The following TSC22D2 variants were observed in gnomAD, a reference collection of about 807,000 sequenced individuals.
TSC22D2 encodes the protein TSC22 domain family member 2, also known as TSC22 domain family protein 2.
Under a neutral mutation model 50.1 loss-of-function variants are expected in TSC22D2, and 5 were observed. That is an observed-to-expected ratio of 0.10 (90% CI 0.05 to 0.21). TSC22D2 has a LOEUF of 0.21. Among genes scored for constraint, TSC22D2 ranks in the 10% least tolerant of loss-of-function variants. The probability of loss-of-function intolerance (pLI) is 1.00; values close to 1 mark genes in which losing one functional copy is unlikely to be tolerated. For synonymous variants in TSC22D2, 501 were observed against 450.1 expected, an observed-to-expected ratio of 1.11 and a Z score of -1.43; for missense variants, 1,003 against 1,015.5, an observed-to-expected ratio of 0.99 and a Z score of 0.17.
At chr3:150,441,071 A>G (rs1720702745) in intron 1 of TSC22D2, among the ~76,000 whole-genome samples, 1 of 149,410 alleles carries the variant, frequency 6.7e-6, no homozygotes, top group African/African-American at 2.4e-5. Context: ...TATAATACAT[A>G]TAAACATATA....
At chr3:150,422,945 G>T in intron 1 of TSC22D2, 1 of 761,308 alleles carries the variant, frequency 1.3e-6, no homozygotes. Flanking sequence ...ATTATTAAAA[G>T]TTACACTGTA....
intron 1 of TSC22D2, among the ~76,000 whole-genome samples, chr3:150,451,592 G>GT (rs1229491462): frequency 6.6e-6 from 1 of 152,062 alleles, no homozygotes; most frequent in African/African-American, 2.4e-5. Flanking sequence ...CACAGTCTTA[G>GT]TATTATGGAA....
chr3:150,455,317 T>C (rs1204301000), intron 1 of TSC22D2, among the ~76,000 whole-genome samples: 4 of 152,196 alleles, frequency 2.6e-5, no homozygotes, highest in African/African-American at 9.7e-5. Context: ...TAGTTACATA[T>C]AGTCATACTT....
At chr3:150,445,743 A>G (rs1430588698) in intron 1 of TSC22D2, among the ~76,000 whole-genome samples, 1 of 152,160 alleles carries the variant, frequency 6.6e-6, no homozygotes, top group Non-Finnish European at 1.5e-5. Flanking sequence ...CCCATTTTAT[A>G]GTTGAGGAAA....
Position 150,409,785 on chromosome 3 carries a change from G to C in TSC22D2, c.435G>C (p.Gly145=), listed in dbSNP as rs1438369560. The C allele has an allele frequency of 6.2e-7, 1 of 1,602,726 alleles. No homozygotes were observed. Among genetic ancestry groups the C allele is most frequent in the Non-Finnish European group, 8.5e-7 (1 of 1,179,800 alleles). ...GGPQLAGSSA[G]PVTAAPSQPP... ...CCCAGCTCGCGGGCTCATCCGCCGG[G>C]CCAGTGACTGCAGCCCCATCTCAGC... Residue 145 remains glycine, a synonymous_variant, in exon 1 of 3, where the codon GGG becomes GGC. Coordinates refer to ENST00000688009, the MANE Select transcript of TSC22D2 (RefSeq NM_001303264.2). The surrounding 1 kb of genome is among the most constrained non-coding windows in gnomAD (Gnocchi z 7.4).
intron 1 of TSC22D2, among the ~76,000 whole-genome samples, chr3:150,451,801 TG>T (rs1171100968): frequency 1.3e-5 from 2 of 152,240 alleles, no homozygotes; most frequent in Non-Finnish European, 2.9e-5. Flanking sequence ...TCTATCTTGT[TG>T]ATTTGTTAAT....
Position 150,463,384 on chromosome 3 carries a change from C to T in TSC22D2, c.*4748C>T, listed in dbSNP as rs1284242776. On this transcript the variant is annotated 3_prime_UTR_variant, in exon 3 of 3. Transcript: ENST00000688009. ...GCCTATCCAAAACCAGACCTTTTCT[C>T]CCACCTCCTTCTGCTTCAAGCCTCT... 1 of 152,178 alleles carries T rather than the reference C, an allele frequency of 6.6e-6. No individual in the cohort carries two copies. Among genetic ancestry groups the T allele is most frequent in the African/African-American group, 2.4e-5 (1 of 41,422 alleles). 9.4% of individuals were successfully genotyped at this position (152,178 alleles called of 1,614,324 possible). A position where few individuals can be genotyped will look rare whatever the true frequency, so the allele number is the denominator to read the frequency against.
chr3:150,437,212 A>G (rs1238324985), intron 1 of TSC22D2, among the ~76,000 whole-genome samples: 2 of 152,090 alleles, frequency 1.3e-5, no homozygotes, highest in Non-Finnish European at 2.9e-5. Flanking sequence ...GTAAAATTTA[A>G]TAAATTTAAC....
At chr3:150,428,847 A>G (rs1310700938) in intron 1 of TSC22D2, among the ~76,000 whole-genome samples, 1 of 152,164 alleles carries the variant, frequency 6.6e-6, no homozygotes, top group Non-Finnish European at 1.5e-5. Context: ...GCTTACTGAA[A>G]AGTAAACAGA....
intron 1 of TSC22D2, among the ~76,000 whole-genome samples, chr3:150,437,487 G>C (rs1323703731): frequency 6.6e-6 from 1 of 152,008 alleles, no homozygotes; most frequent in African/African-American, 2.4e-5. Context: ...GATTGTTACT[G>C]ATCCAGCCAC....
intron 1 of TSC22D2, among the ~76,000 whole-genome samples, chr3:150,417,270 A>G (rs947446079): frequency 2.0e-5 from 3 of 152,144 alleles, no homozygotes; most frequent in African/African-American, 7.2e-5. Context: ...TTATTACACA[A>G]GTATATAATT....
At chr3:150,457,232 G>T in intron 2 of TSC22D2, 105 bp downstream of exon 2, 1 of 1,042,826 alleles carries the variant, frequency 9.6e-7, no homozygotes, top group Non-Finnish European at 1.4e-6. Context: ...AACCAAAGAT[G>T]ACCAAATCAT....
intron 1 of TSC22D2, chr3:150,438,140 TA>T (rs1344510907): frequency 3.1e-6 from 1 of 322,360 alleles, no homozygotes; most frequent in Non-Finnish European, 6.8e-6. Flanking sequence ...AATTTTGCTA[TA>T]AAAGATTTTT....
At position 150,459,574 on chromosome 3, in the gene TSC22D2, TTTTTTTTTTTTGTC is replaced by T. The variant is rs1444036662; in HGVS notation, c.*950_*963del. Reference sequence around the variant, plus strand: ...ATGGAGTTTGGTTTTTTTTTGTTGTTTTTTTTTTTTTGTCTTTTTTTTTTTTTATAATGCACATT... The same window carrying T: ...ATGGAGTTTGGTTTTTTTTTGTTGTTTTTTTTTTTTTTTATAATGCACATT... On this transcript the variant is annotated 3_prime_UTR_variant, in exon 3 of 3. Coordinates refer to ENST00000688009, the MANE Select transcript of TSC22D2 (RefSeq NM_001303264.2). 1 of 50,776 alleles carries T rather than the reference TTTTTTTTTTTTGTC, an allele frequency of 2.0e-5. No homozygotes were observed. Among genetic ancestry groups the T allele is most frequent in the Non-Finnish European group, 4.6e-5 (1 of 21,634 alleles). 3.1% of individuals were successfully genotyped at this position (50,776 alleles called of 1,614,324 possible). A position where few individuals can be genotyped will look rare whatever the true frequency, so the allele number is the denominator to read the frequency against.
chr3:150,416,194 G>T (rs980501526), intron 1 of TSC22D2, among the ~76,000 whole-genome samples: 15 of 152,162 alleles, frequency 9.9e-5, no homozygotes, highest in African/African-American at 3.6e-4. Context: ...GAGGAATGGT[G>T]TTCTAATTCT....
chr3:150,419,794 T>A (rs1719944343), intron 1 of TSC22D2, among the ~76,000 whole-genome samples: 1 of 152,166 alleles, frequency 6.6e-6, no homozygotes, highest in Non-Finnish European at 1.5e-5. Context: ...ATGTATTTTG[T>A]TCAGTGATGT....
At position 150,408,727 on chromosome 3, in the gene TSC22D2, C is replaced by G. The variant is rs1014828768; in HGVS notation, c.-624C>G. ...GGGAGGGAGGGCCGCCTGCCCGCGC[C>G]ACAGCCCCACCGCCCGCCCGCGGAC... On this transcript the variant is annotated 5_prime_UTR_variant, in exon 1 of 3. Transcript: ENST00000688009. 1 of 153,136 alleles carries G rather than the reference C, an allele frequency of 6.5e-6. No individual in the cohort carries two copies. Among genetic ancestry groups the G allele is most frequent in the Admixed American group, 6.5e-5 (1 of 15,292 alleles). The allele number at this position is 153,136 out of a possible 1,614,324, so 9.5% of individuals were successfully genotyped here. A position where few individuals can be genotyped will look rare whatever the true frequency, so the allele number is the denominator to read the frequency against.
chr3:150,409,792 A>C lies in TSC22D2; in HGVS notation c.442A>C (p.Thr148Pro), dbSNP rs1183750639. 2 of 1,602,980 alleles carry C rather than the reference A, an allele frequency of 1.2e-6. No homozygotes were observed. The change falls in exon 1 of 3, where the codon ACT (threonine) becomes CCT (proline). Residue 148 changes from threonine to proline, a missense_variant. Transcript: ENST00000688009. This position sits in a 1 kb window ranked among gnomAD's most constrained non-coding sequence, Gnocchi z 7.4. The part of the protein sequence containing the change: ...QLAGSSAGPV[T>P]AAPSQPPTTC... The stretch of plus-strand genomic sequence containing the variant: ...CGCGGGCTCATCCGCCGGGCCAGTG[A>C]CTGCAGCCCCATCTCAGCCTCCCAC...
intron 1 of TSC22D2, among the ~76,000 whole-genome samples, chr3:150,429,906 T>C (rs1279339309): frequency 6.6e-6 from 1 of 152,176 alleles, no homozygotes; most frequent in Non-Finnish European, 1.5e-5. Context: ...AATCTCACTT[T>C]TTTAGAGTAA....
Sources: allele counts gnomAD v4.1 joint callset (sites outside exome capture counted in the v4.1 genomes callset), GRCh38; gene constraint gnomAD v4.1.1; non-coding constraint Gnocchi (gnomAD v3.1); transcripts MANE v1.5; gene names NCBI Gene and HGNC (gene_info 2026-07-23, HGNC 2026-07-21).